The following RAB31 variants were observed in gnomAD, a reference collection of about 807,000 sequenced individuals.
The protein encoded by RAB31 is ras-related protein Rab-31.
Under a neutral mutation model 25.6 loss-of-function variants are expected in RAB31, and 21 were observed. That is an observed-to-expected ratio of 0.82 (90% confidence interval 0.58 to 1.18). The LOEUF is 1.18. Ranked by LOEUF, RAB31 falls within the 50% of genes most tolerant of loss-of-function variation. The pLI, the probability that RAB31 is intolerant of heterozygous loss-of-function variation, is 0.00. For synonymous variants in RAB31, 87 were observed against 84.0 expected, an observed-to-expected ratio of 1.04 and a Z score of -0.20; for missense variants, 196 against 250.1, an observed-to-expected ratio of 0.78 and a Z score of 1.46.
At chr18:9,817,407 A>C (rs2068604477) in intron 5 of RAB31, among the ~76,000 whole-genome samples, 1 of 152,172 alleles carries the variant, frequency 6.6e-6, no homozygotes, top group Non-Finnish European at 1.5e-5. Context: ...GATACTGGTA[A>C]TCCACATGGT....
chr18:9,815,024 C>A, intron 4 of RAB31, 92 bp from the exon 5 acceptor site: 1 of 900,414 alleles, frequency 1.1e-6, no homozygotes, highest in Non-Finnish European at 1.7e-6. Context: ...AAATATTTTT[C>A]TCCATTAAAT....
intron 1 of RAB31, among the ~76,000 whole-genome samples, chr18:9,752,532 G>A (rs2068240842): frequency 6.6e-6 from 1 of 152,170 alleles, no homozygotes; most frequent in Admixed American, 6.5e-5. Context: ...GCCCAGCTCG[G>A]CCCTTTAAAT....
At chr18:9,749,319 C>T (rs1193913482) in intron 1 of RAB31, among the ~76,000 whole-genome samples, 1 of 150,520 alleles carries the variant, frequency 6.6e-6, no homozygotes, top group African/African-American at 2.5e-5. Context: ...GAGGTGCTAC[C>T]ATTGCCCCAT....
At position 9,714,483 on chromosome 18, in the gene RAB31, A is replaced by G. The variant is rs374377984; in HGVS notation, c.39+6039A>G. Among the ~76,000 whole-genome samples, 24 of 152,336 alleles carry G rather than the reference A, an allele frequency of 1.6e-4. No homozygotes were observed. In the East Asian group the frequency reaches 4.4e-3, roughly 28 times the overall value. ...CTCCTGCTGTGCAACCTGGTTCCTA[A>G]CAAGCCATGGGTCAGTACCGCCCCA... On this transcript the variant is annotated intron_variant, in intron 1 of 6. Transcript: ENST00000578921.
chr18:9,802,382 A>G (rs546238754), intron 3 of RAB31, among the ~76,000 whole-genome samples: 2 of 152,340 alleles, frequency 1.3e-5, no homozygotes, highest in East Asian at 3.9e-4. Flanking sequence ...AAAATTTTGA[A>G]TAAAGAGTTA....
intron 2 of RAB31, among the ~76,000 whole-genome samples, chr18:9,780,939 AAACAAAACAAAACAG>A (rs373889762): frequency 0.14 from 20,626 of 151,642 alleles, 2,034 homozygotes; most frequent in African/African-American, 0.28. Flanking sequence ...TTGTCTCAAA[AAACAAAACAAAACAG>A]AACAAAACAA....
chr18:9,761,341 G>A (rs1303596578), intron 1 of RAB31, among the ~76,000 whole-genome samples: 1 of 152,128 alleles, frequency 6.6e-6, no homozygotes, highest in Non-Finnish European at 1.5e-5. Context: ...GCAAAATGAG[G>A]ATAACCCTAC....
chr18:9,748,730 A>C (rs1293500281), intron 1 of RAB31, among the ~76,000 whole-genome samples: 2 of 151,982 alleles, frequency 1.3e-5, no homozygotes, highest in Non-Finnish European at 2.9e-5. Context: ...ATCTTTAATA[A>C]AAATACAAAA....
At chr18:9,767,419 C>T (rs1162213632) in intron 1 of RAB31, among the ~76,000 whole-genome samples, 1 of 152,196 alleles carries the variant, frequency 6.6e-6, no homozygotes, top group Non-Finnish European at 1.5e-5. Flanking sequence ...AACACCTCAC[C>T]ACCTGAAGAT....
intron 1 of RAB31, among the ~76,000 whole-genome samples, chr18:9,718,522 G>T (rs546588021): frequency 6.6e-6 from 1 of 152,222 alleles, no homozygotes; most frequent in East Asian, 1.9e-4. Flanking sequence ...GCCTCCCAAA[G>T]TGCTGGGATT....
At chr18:9,736,968 T>G (rs1340778897) in intron 1 of RAB31, among the ~76,000 whole-genome samples, 2 of 152,242 alleles carry the variant, frequency 1.3e-5, no homozygotes, top group East Asian at 3.8e-4. Flanking sequence ...TATTATCTCT[T>G]TCAAATAGCT....
rs576347789 is a variant in RAB31 at position 9,710,556 on chromosome 18, T to G, written c.39+2112T>G. 3.9e-5 allele frequency among the ~76,000 whole-genome samples: 6 copies of G among 152,246 alleles called. 1 individual carries two copies. The highest frequency in any genetic ancestry group is 1.4e-4 in the African/African-American group (6 of 41,550). On this transcript the variant is annotated intron_variant, in intron 1 of 6. Coordinates refer to ENST00000578921, the MANE Select transcript of RAB31 (RefSeq NM_006868.4). ...GAGGTTTCTGGGCAGACGGAGGCTT[T>G]GAAACATCAATCGTGGCCGGTCGCG...
intron 2 of RAB31, among the ~76,000 whole-genome samples, chr18:9,779,466 T>A (rs963318029): frequency 1.3e-5 from 2 of 152,176 alleles, no homozygotes; most frequent in African/African-American, 4.8e-5. Context: ...AGCCACAACA[T>A]ACATTCCCAG....
rs1239638217 is a variant in RAB31 at position 9,862,483 on chromosome 18, T to G, written c.*3158T>G. On this transcript the variant is annotated 3_prime_UTR_variant, in exon 7 of 7. Coordinates refer to ENST00000578921, the MANE Select transcript of RAB31 (RefSeq NM_006868.4). The stretch of plus-strand genomic sequence containing the variant: ...TGTAGTAAAGCATTTCCATCAACAA[T>G]GCCTAATTGTATCTGTTATTTTTGG... 1.3e-5 allele frequency: 2 copies of G among 152,258 alleles called. No homozygotes were observed. The highest frequency in any genetic ancestry group is 2.9e-5 in the Non-Finnish European group (2 of 68,044). 9.4% of individuals were successfully genotyped at this position (152,258 alleles called of 1,614,324 possible). A position where few individuals can be genotyped will look rare whatever the true frequency, so the allele number is the denominator to read the frequency against.
intron 1 of RAB31, among the ~76,000 whole-genome samples, chr18:9,715,251 G>A (rs2068038079): frequency 6.6e-6 from 1 of 152,058 alleles, no homozygotes; most frequent in Admixed American, 6.6e-5. Context: ...AAGGGACAGG[G>A]AAGGAAAGGT....
At chr18:9,772,223 G>A (rs1378173999) in intron 1 of RAB31, among the ~76,000 whole-genome samples, 1 of 152,246 alleles carries the variant, frequency 6.6e-6, no homozygotes, top group African/African-American at 2.4e-5. Context: ...CGCCCCCACC[G>A]AGAAGATGCA....
intron 5 of RAB31, among the ~76,000 whole-genome samples, chr18:9,835,007 A>C (rs551041288): frequency 6.6e-6 from 1 of 152,286 alleles, no homozygotes; most frequent in African/African-American, 2.4e-5. Flanking sequence ...TGCCAACCCT[A>C]ACTGAGTGCC....
chr18:9,854,760 A>G (rs2068807353), intron 6 of RAB31, among the ~76,000 whole-genome samples: 1 of 152,218 alleles, frequency 6.6e-6, no homozygotes, highest in African/African-American at 2.4e-5. Context: ...GCGATGTTCC[A>G]TGATCGTGAG....
At chr18:9,727,124 C>T (rs1390563059) in intron 1 of RAB31, among the ~76,000 whole-genome samples, 1 of 152,156 alleles carries the variant, frequency 6.6e-6, no homozygotes, top group East Asian at 1.9e-4. Flanking sequence ...GACATGGATG[C>T]TGGCCTGGGG....
Sources: allele counts gnomAD v4.1 joint callset (sites outside exome capture counted in the v4.1 genomes callset), GRCh38; gene constraint gnomAD v4.1.1; transcripts MANE v1.5; gene names NCBI Gene and HGNC (gene_info 2026-07-23, HGNC 2026-07-21).